The following GALNT13 variants were observed in gnomAD, a reference collection of about 807,000 sequenced individuals.
GALNT13 encodes the protein polypeptide N-acetylgalactosaminyltransferase 13, also known as UDP-GalNAc:polypeptide N-acetylgalactosaminyltransferase 13.
In GALNT13, 28 loss-of-function variants were observed where a neutral mutation model predicts 64.2. The ratio of observed to expected loss-of-function variants is 0.44; its 90% CI spans 0.32 to 0.60. The LOEUF (loss-of-function observed/expected upper bound fraction) is 0.60, where lower values mean the gene tolerates loss of function less well. Among genes scored for constraint, GALNT13 ranks in the 20% least tolerant of loss-of-function variants. GALNT13 has a pLI of 0.05. For missense variants in GALNT13, 577 were observed against 669.8 expected, an observed-to-expected ratio of 0.86 and a Z score of 1.53; for synonymous variants, 214 against 224.6, an observed-to-expected ratio of 0.95 and a Z score of 0.42.
At chr2:153,651,573 A>T in the GALNT13 span, among the ~76,000 whole-genome samples, 37 of 152,322 alleles carry the variant, frequency 2.4e-4, 2 homozygotes, top group East Asian at 7.1e-3. Flanking sequence ...TATACTTGAA[A>T]TATACTTGAA....
the GALNT13 span, among the ~76,000 whole-genome samples, chr2:153,099,611 T>G: frequency 6.6e-6 from 1 of 152,322 alleles, no homozygotes; most frequent in East Asian, 1.9e-4. Context: ...ACATTTTACT[T>G]TATGTGAAAT....
chr2:153,477,460 T>C, the GALNT13 span: 1 of 151,486 alleles, frequency 6.6e-6, no homozygotes, highest in South Asian at 2.1e-4. Context: ...GAGCTACGAG[T>C]TCTATTCTGG....
the GALNT13 span, among the ~76,000 whole-genome samples, chr2:153,823,190 C>T: frequency 6.6e-6 from 1 of 152,174 alleles, no homozygotes; most frequent in Non-Finnish European, 1.5e-5. Flanking sequence ...TTTAAAATAG[C>T]CATATTGCCC....
At chr2:153,289,843 G>T in the GALNT13 span, among the ~76,000 whole-genome samples, 9 of 152,030 alleles carry the variant, frequency 5.9e-5, no homozygotes, top group Admixed American at 5.9e-4. Flanking sequence ...AAAAGAAATG[G>T]TAAAATAGTA....
At chr2:153,609,675 T>G in the GALNT13 span, among the ~76,000 whole-genome samples, 7 of 152,314 alleles carry the variant, frequency 4.6e-5, no homozygotes, top group African/African-American at 1.7e-4. Flanking sequence ...AGTAAGCCAC[T>G]TCCTGTGACA....
the GALNT13 span, among the ~76,000 whole-genome samples, chr2:153,679,349 A>G: frequency 6.6e-6 from 1 of 151,992 alleles, no homozygotes; most frequent in Non-Finnish European, 1.5e-5. Context: ...AACTTCAAAA[A>G]TTTATAGTAG....
intron 3 of GALNT13, among the ~76,000 whole-genome samples, chr2:154,116,647 G>T (rs1012173018): frequency 6.6e-6 from 1 of 152,130 alleles, no homozygotes; most frequent in African/African-American, 2.4e-5. Context: ...TGTGAATCTG[G>T]AATGTCAAAT....
intron 8 of GALNT13, among the ~76,000 whole-genome samples, chr2:154,273,246 C>A (rs912523285): frequency 6.6e-5 from 10 of 152,218 alleles, no homozygotes; most frequent in Middle Eastern, 3.4e-3. Flanking sequence ...GTCAGAGAAA[C>A]CCTCCCAGGG....
At chr2:153,460,840 T>C in the GALNT13 span, among the ~76,000 whole-genome samples, 1 of 152,130 alleles carries the variant, frequency 6.6e-6, no homozygotes. Context: ...CACAGATACA[T>C]CATTTTAGGC....
the GALNT13 span, among the ~76,000 whole-genome samples, chr2:153,778,176 C>T: frequency 1.3e-5 from 2 of 152,240 alleles, no homozygotes; most frequent in South Asian, 2.1e-4. Context: ...GTGTTCCTCT[C>T]GATGTCCAGC....
At chr2:153,772,931 G>A in the GALNT13 span, among the ~76,000 whole-genome samples, 93 of 152,268 alleles carry the variant, frequency 6.1e-4, no homozygotes, top group African/African-American at 2.0e-3. Flanking sequence ...GAGACTGCTC[G>A]CTGGACTCCC....
the GALNT13 span, among the ~76,000 whole-genome samples, chr2:153,119,924 T>G: frequency 6.6e-6 from 1 of 152,314 alleles, no homozygotes; most frequent in Admixed American, 6.5e-5. Context: ...CTTTAAAATA[T>G]TGCCTTTATA....
chr2:154,143,251 C>G (rs1419235134), intron 4 of GALNT13, among the ~76,000 whole-genome samples: 1 of 152,142 alleles, frequency 6.6e-6, no homozygotes, highest in Non-Finnish European at 1.5e-5. Flanking sequence ...GCTGATCTGA[C>G]AGGACACTGA....
chr2:154,054,919 C>T (rs1305737055), intron 3 of GALNT13, among the ~76,000 whole-genome samples: 1 of 151,822 alleles, frequency 6.6e-6, no homozygotes, highest in Non-Finnish European at 1.5e-5. Context: ...TGTCAGTGGG[C>T]CACACAACTT....
At chr2:153,637,448 A>G in the GALNT13 span, among the ~76,000 whole-genome samples, 112 of 151,894 alleles carry the variant, frequency 7.4e-4, no homozygotes, top group Non-Finnish European at 1.4e-3. Context: ...CTTCATCTAC[A>G]TTTTGTTACT....
chr2:154,058,323 C>G (rs988197026), intron 3 of GALNT13, among the ~76,000 whole-genome samples: 1 of 152,140 alleles, frequency 6.6e-6, no homozygotes, highest in Non-Finnish European at 1.5e-5. Flanking sequence ...GTAAAAGCCA[C>G]CAAGTCTGTG....
intron 9 of GALNT13, among the ~76,000 whole-genome samples, chr2:154,308,489 G>A (rs1486654671): frequency 1.3e-5 from 2 of 152,050 alleles, no homozygotes; most frequent in Non-Finnish European, 2.9e-5. Context: ...AATTTCTTCT[G>A]TAAGTCATGA....
intron 4 of GALNT13, among the ~76,000 whole-genome samples, chr2:154,207,993 A>AAT (rs962728715): frequency 1.9e-4 from 29 of 152,168 alleles, no homozygotes; most frequent in African/African-American, 6.8e-4. Context: ...CTGCACTGCT[A>AAT]ATTTGGCTCT....
chr2:153,276,247 TTTG>T, the GALNT13 span, among the ~76,000 whole-genome samples: 2 of 152,124 alleles, frequency 1.3e-5, no homozygotes, highest in African/African-American at 4.8e-5. Flanking sequence ...TATACTTTGT[TTTG>T]TATTATTTAG....
Sources: gnomAD v4.1 joint callset for allele counts (sites outside exome capture counted in the v4.1 genomes callset) on GRCh38, gnomAD v4.1.1 for gene constraint, MANE v1.5 for transcripts, NCBI Gene and HGNC (gene_info 2026-07-23, HGNC 2026-07-21) for gene names.